Variants in GRID2 observed in about 807,000 individuals in gnomAD.
GRID2 encodes the protein glutamate ionotropic receptor delta type subunit 2, also known as glutamate receptor ionotropic, delta-2.
GRID2 carries 33 observed loss-of-function variants against 114.8 expected under a neutral mutation model. The ratio of observed to expected loss-of-function variants is 0.29; its 90% CI spans 0.22 to 0.38. The LOEUF (loss-of-function observed/expected upper bound fraction) is 0.38, where lower values mean the gene tolerates loss of function less well. Ranked by LOEUF, GRID2 falls within the 10% of genes least tolerant of loss-of-function variation. The pLI is 1.00. For synonymous variants in GRID2, 505 were observed against 449.9 expected (o/e 1.12, Z -1.55); for missense variants, 1,184 against 1,257.7 (o/e 0.94, Z 0.89).
At chr4:93,175,512 C>T (rs955805076) in intron 4 of GRID2, among the ~76,000 whole-genome samples, 20 of 151,980 alleles carry the variant, frequency 1.3e-4, no homozygotes, top group African/African-American at 4.8e-4. Flanking sequence ...GTGGGCCTTA[C>T]TAGATTTTTG....
At chr4:92,970,658 T>C (rs1488062966) in intron 2 of GRID2, among the ~76,000 whole-genome samples, 3 of 151,930 alleles carry the variant, frequency 2.0e-5, no homozygotes, top group African/African-American at 7.2e-5. Context: ...TCTTTAGAAA[T>C]AGTGAGAAAC....
intron 8 of GRID2, among the ~76,000 whole-genome samples, chr4:93,343,006 C>G (rs892136872): frequency 1.3e-5 from 2 of 152,090 alleles, no homozygotes; most frequent in African/African-American, 4.8e-5. Context: ...TATTTTAACA[C>G]TGCATTTCTG....
intron 2 of GRID2, among the ~76,000 whole-genome samples, chr4:92,749,856 T>G (rs1244204130): frequency 6.9e-6 from 1 of 144,020 alleles, no homozygotes; most frequent in South Asian, 2.3e-4. Context: ...CACATTTTAT[T>G]GATTGATTGA....
At chr4:93,017,794 G>C (rs532062191) in intron 2 of GRID2, among the ~76,000 whole-genome samples, 2 of 141,986 alleles carry the variant, frequency 1.4e-5, no homozygotes, top group African/African-American at 5.3e-5. Flanking sequence ...ACAGAGCAAG[G>C]CTCCTTTTCA....
At chr4:93,520,897 G>T (rs116317328) in intron 13 of GRID2, among the ~76,000 whole-genome samples, 2 of 152,074 alleles carry the variant, frequency 1.3e-5, no homozygotes, top group African/African-American at 4.8e-5. Context: ...TTAAAGGTCC[G>T]CTCTAGATGC....
intron 8 of GRID2, among the ~76,000 whole-genome samples, chr4:93,371,714 A>G (rs1363475101): frequency 1.4e-5 from 2 of 142,426 alleles, no homozygotes; most frequent in South Asian, 2.3e-4. Context: ...CTTTTTCTGT[A>G]TATTGGTATA....
intron 2 of GRID2, among the ~76,000 whole-genome samples, chr4:92,943,414 T>C (rs1396583772): frequency 6.6e-6 from 1 of 152,198 alleles, no homozygotes; most frequent in Non-Finnish European, 1.5e-5. Context: ...TCTCATGCCA[T>C]GGTTTTCAGC....
chr4:92,434,380 T>A (rs763214975), intron 1 of GRID2, among the ~76,000 whole-genome samples: 1 of 152,208 alleles, frequency 6.6e-6, no homozygotes, highest in Non-Finnish European at 1.5e-5. Flanking sequence ...GCTTTTTTAT[T>A]TCTGAAACAA....
At chr4:93,418,617 A>C (rs1057215697) in intron 9 of GRID2, among the ~76,000 whole-genome samples, 3 of 152,050 alleles carry the variant, frequency 2.0e-5, no homozygotes, top group Admixed American at 2.0e-4. Context: ...TTATTGAAGA[A>C]TTATTATGTT....
intron 2 of GRID2, among the ~76,000 whole-genome samples, chr4:92,646,057 C>A (rs1731601782): frequency 6.6e-6 from 1 of 151,728 alleles, no homozygotes; most frequent in Non-Finnish European, 1.5e-5. Context: ...TAGACTCCTA[C>A]CGGCTTCGTA....
intron 1 of GRID2, among the ~76,000 whole-genome samples, chr4:92,502,705 C>CTTTTT (rs70940901): frequency 6.3e-5 from 4 of 63,942 alleles, no homozygotes; most frequent in Admixed American, 2.4e-4. Context: ...CATGTGATTT[C>CTTTTT]TTTTTTTTTT....
rs536480773 is a variant in GRID2, at chr4:93,342,147, G to A, written c.1246-53460G>A. ...TACTACTAAAAACTCTTCGGTGATA[G>A]CAGTAATAAAGTCCAACTCCTTACC... On this transcript the variant is annotated intron_variant, in intron 8 of 15. Transcript: ENST00000282020. 2.8e-3 allele frequency among the ~76,000 whole-genome samples: 424 copies of A among 152,236 alleles called. 4 individuals are homozygous for A. The highest frequency in any genetic ancestry group is 9.7e-3 in the African/African-American group (401 of 41,554).
chr4:93,746,499 A>G (rs1731853043), intron 14 of GRID2, among the ~76,000 whole-genome samples: 1 of 152,094 alleles, frequency 6.6e-6, no homozygotes, highest in Non-Finnish European at 1.5e-5. Flanking sequence ...GTTTTTTCCT[A>G]CAAATTCTTG....
chr4:92,339,972 A>C (rs181465534), intron 1 of GRID2, among the ~76,000 whole-genome samples: 152 of 152,314 alleles, frequency 1.0e-3, no homozygotes, highest in Non-Finnish European at 1.6e-3. Flanking sequence ...TAGCACGTGT[A>C]AACTGAGTTT....
chr4:92,811,951 A>T (rs1014390717), intron 2 of GRID2, among the ~76,000 whole-genome samples: 1 of 152,074 alleles, frequency 6.6e-6, no homozygotes, highest in Non-Finnish European at 1.5e-5. Flanking sequence ...AGGCAGTACC[A>T]GTAAGGATCA....
intron 2 of GRID2, among the ~76,000 whole-genome samples, chr4:92,828,733 C>T (rs972341843): frequency 1.3e-5 from 2 of 151,890 alleles, no homozygotes; most frequent in South Asian, 2.1e-4. Flanking sequence ...CACTGAAAAA[C>T]ATTGTTTTTC....
At chr4:93,727,054 G>C (rs368047024) in intron 14 of GRID2, among the ~76,000 whole-genome samples, 13 of 152,186 alleles carry the variant, frequency 8.5e-5, no homozygotes, top group Non-Finnish European at 1.5e-4. Context: ...GGGCATCCCT[G>C]ACTTGTGCCA....
intron 14 of GRID2, among the ~76,000 whole-genome samples, chr4:93,645,152 T>A (rs1721994329): frequency 6.6e-6 from 1 of 152,138 alleles, no homozygotes; most frequent in South Asian, 2.1e-4. Flanking sequence ...GGAAAAGATA[T>A]TGTGAACTTA....
In GRID2 at chr4:93,683,724, T is replaced by C. The variant is rs145150406; in HGVS notation, c.2360+57289T>C. ...ATGCCAAGATACATGTTTTTGTACT[T>C]ATGAATTTTTGTGTAGGGAAAATCA... On this transcript the variant is annotated intron_variant, in intron 14 of 15. Coordinates refer to ENST00000282020, the MANE Select transcript of GRID2 (RefSeq NM_001510.4). Among the ~76,000 whole-genome samples the C allele has an allele frequency of 3.9e-5, 6 of 152,256 alleles. No homozygotes were observed. In the East Asian group the frequency reaches 1.2e-3, roughly 29 times the overall value.
Sources: allele counts gnomAD v4.1 joint callset (sites outside exome capture counted in the v4.1 genomes callset), GRCh38; gene constraint gnomAD v4.1.1; transcripts MANE v1.5; gene names NCBI Gene and HGNC (gene_info 2026-07-23, HGNC 2026-07-21).